Variants in DDX18 observed in about 807,000 individuals in gnomAD.
DDX18 encodes DEAD-box helicase 18, also known as ATP-dependent RNA helicase DDX18.
A neutral mutation model predicts 73.5 loss-of-function variants in DDX18; 23 were observed. That is an observed-to-expected ratio of 0.31 (90% CI 0.23 to 0.44). DDX18 has a LOEUF of 0.44. Ranked by LOEUF, DDX18 falls within the 20% of genes least tolerant of loss-of-function variation. The pLI is 1.00. For synonymous variants in DDX18, 268 were observed against 282.7 expected (o/e 0.95, Z 0.52); for missense variants, 753 against 792.9 (o/e 0.95, Z 0.60).
intron 6 of DDX18, 36 bp from the exon 7 acceptor site, chr2:117,822,111 C>T (rs1295407778): frequency 6.2e-7 from 1 of 1,613,654 alleles, no homozygotes. Context: ...CATAAACTGA[C>T]AACTAATGGT....
At position 117,821,299 on chromosome 2, in the gene DDX18, A is replaced by G. The variant is rs780100222; in HGVS notation, c.650+3A>G. ...ATCAGACCACTTCTGGAAGGCAGGT[A>G]TGATTAACATTGAAGCTTAGATATT... On this transcript the variant is annotated splice_donor_region_variant and intron_variant, in intron 4 of 13. Coordinates refer to ENST00000263239, the MANE Select transcript of DDX18 (RefSeq NM_006773.4). The G allele has an allele frequency of 3.1e-6, 5 of 1,598,704 alleles. No individual in the cohort carries two copies. Among genetic ancestry groups the G allele is most frequent in the African/African-American group, 1.4e-5 (1 of 73,920 alleles).
Position 117,825,496 on chromosome 2 carries a change from A to G in DDX18, c.1418A>G (p.Asn473Ser), listed in dbSNP as rs766097191. The G allele has an allele frequency of 1.4e-5, 22 of 1,614,064 alleles. No individual in the cohort carries two copies. Among genetic ancestry groups the G allele is most frequent in the African/African-American group, 9.3e-5 (7 of 74,918 alleles). ...KRTTTFFQFC[N>S]ADSGTLLCTD... The stretch of plus-strand genomic sequence containing the variant: ...ACAACCACATTCTTCCAGTTCTGCA[A>G]TGCAGATTCGGGAACACTATTGTGT... Residue 473 changes from asparagine to serine, a missense_variant, in exon 10 of 14, where the codon AAT (asparagine) becomes AGT (serine). Asn to Ser is a conservative substitution (Grantham distance 46, BLOSUM62 1). Coordinates refer to ENST00000263239, the MANE Select transcript of DDX18 (RefSeq NM_006773.4).
Position 117,831,301 on chromosome 2 carries a change from T to C in DDX18, c.*577T>C, listed in dbSNP as rs1414015338. 1 of 152,222 alleles carries C rather than the reference T, an allele frequency of 6.6e-6. No homozygotes were observed. The highest frequency in any genetic ancestry group is 2.4e-5 in the African/African-American group (1 of 41,446). 9.4% of individuals were successfully genotyped at this position (152,222 alleles called of 1,614,324 possible). On this transcript the variant is annotated 3_prime_UTR_variant, in exon 14 of 14. Coordinates refer to ENST00000263239, the MANE Select transcript of DDX18 (RefSeq NM_006773.4). ...TTAGGGTGGCATTGCTTTTATAGAT[T>C]CTTGATTTTAAAGCAACAGGCCTTT...
chr2:117,818,262 G>T (rs559760442), intron 2 of DDX18, among the ~76,000 whole-genome samples: 4 of 152,282 alleles, frequency 2.6e-5, no homozygotes, highest in African/African-American at 9.6e-5. Flanking sequence ...TATCAAGGTA[G>T]GATAAGATAG....
In DDX18 at chr2:117,821,233, A is replaced by C; in HGVS notation, c.587A>C (p.Glu196Ala). The C allele has an allele frequency of 6.2e-7, 1 of 1,612,258 alleles. No individual in the cohort carries two copies. ...GAAAACACTCTGAAGGCAATAAAAG[A>C]AATGGGTTTTACAAACATGACTGAA... ...VNENTLKAIK[E>A]MGFTNMTEIQ... The change falls in exon 4 of 14, where the codon GAA (glutamate) becomes GCA (alanine). Residue 196 changes from glutamate to alanine, a missense_variant. This residue lies in a region of DDX18 where 345 missense variants were observed against 352.0 expected (regional missense o/e 0.98). Coordinates refer to ENST00000263239, the MANE Select transcript of DDX18 (RefSeq NM_006773.4).
At position 117,817,592 on chromosome 2, in the gene DDX18, G is replaced by A. The variant is rs773695037; in HGVS notation, c.234G>A (p.Val78=). 1.2e-6 allele frequency: 2 copies of A among 1,613,896 alleles called. No homozygotes were observed. The highest frequency in any genetic ancestry group is 1.7e-6 in the Non-Finnish European group (2 of 1,179,926). The part of the protein sequence containing the change: ...TQNGGMSQEA[V]GNIKVTKSPQ... The stretch of plus-strand genomic sequence containing the variant: ...ATGGAGGCATGTCTCAAGAAGCAGT[G>A]GGAAATATAAAAGTTACAAAGTCTC... Residue 78 remains valine (V), a synonymous_variant, in exon 2 of 14, where the codon GTG becomes GTA. Coordinates refer to ENST00000263239, the MANE Select transcript of DDX18 (RefSeq NM_006773.4).
In DDX18 at chr2:117,831,498, C is replaced by G. The variant is rs1680023859; in HGVS notation, c.*774C>G. On this transcript the variant is annotated 3_prime_UTR_variant, in exon 14 of 14. Coordinates refer to ENST00000263239, the MANE Select transcript of DDX18 (RefSeq NM_006773.4). ...TGTACTGCATTTCTTCATTTGGTAA[C>G]ATAACAAAGACTTTCATACAAAGAA... The G allele has an allele frequency of 6.6e-6, 1 of 152,156 alleles. No individual in the cohort carries two copies. Among genetic ancestry groups the G allele is most frequent in the Non-Finnish European group, 1.5e-5 (1 of 68,032 alleles). 9.4% of individuals were successfully genotyped at this position (152,156 alleles called of 1,614,324 possible). A position where few individuals can be genotyped will look rare whatever the true frequency, so the allele number is the denominator to read the frequency against.
chr2:117,830,593 AATG>A lies in DDX18; in HGVS notation c.1884_1886del (p.Asn628_Glu629delinsLys), dbSNP rs889004965. The A allele has an allele frequency of 2.5e-6, 4 of 1,613,640 alleles. No individual in the cohort carries two copies. Among genetic ancestry groups the A allele is most frequent in the Non-Finnish European group, 1.7e-6 (2 of 1,179,790 alleles). On this transcript the variant is annotated inframe_deletion, in exon 14 of 14. Coordinates refer to ENST00000263239, the MANE Select transcript of DDX18 (RefSeq NM_006773.4). Reference sequence around the variant, plus strand: ...ATGTTTGCCTCCAGACGTCAACAGTAATGAAGGCAAGCAGAAAAAGCGAGGAGG... The same window carrying A: ...ATGTTTGCCTCCAGACGTCAACAGTAAAGGCAAGCAGAAAAAGCGAGGAGG...
chr2:117,825,934 A>T, intron 10 of DDX18: 1 of 386,246 alleles, frequency 2.6e-6, no homozygotes, highest in Non-Finnish European at 4.6e-6. Context: ...CTTCATTGAG[A>T]AGTATTTTCA....
At chr2:117,823,059 C>G (rs900295210) in intron 7 of DDX18, among the ~76,000 whole-genome samples, 2 of 152,192 alleles carry the variant, frequency 1.3e-5, no homozygotes, top group African/African-American at 4.8e-5. Context: ...ATTTAACATT[C>G]CTATGAGCAG....
chr2:117,822,449 G>A, intron 7 of DDX18, 188 bp downstream of exon 7: 1 of 526,094 alleles, frequency 1.9e-6, no homozygotes, highest in Non-Finnish European at 3.4e-6. Context: ...TAATAGTTTT[G>A]CTGTTTTAGA....
intron 1 of DDX18, chr2:117,815,800 C>G (rs1314438608): frequency 6.6e-6 from 1 of 152,180 alleles, no homozygotes; most frequent in African/African-American, 2.4e-5. Flanking sequence ...AGGACATTCT[C>G]AGGTACAGTC....
At chr2:117,827,590 T>C (rs1172410991) in intron 11 of DDX18, 1 of 150,240 alleles carries the variant, frequency 6.7e-6, no homozygotes, top group African/African-American at 2.4e-5. Flanking sequence ...ATGCGGTGTT[T>C]GGTTTTCTGT....
At position 117,822,258 on chromosome 2, in the gene DDX18, C is replaced by G; in HGVS notation, c.1063C>G (p.Pro355Ala). 1 of 1,610,132 alleles carries G rather than the reference C, an allele frequency of 6.2e-7. No individual in the cohort carries two copies. The highest frequency in any genetic ancestry group is 8.5e-7 in the Non-Finnish European group (1 of 1,178,034). The change falls in exon 7 of 14, where the codon CCA (proline) becomes GCA (alanine). Residue 355 changes from proline to alanine, a missense_variant. Pro to Ala is a conservative substitution (Grantham distance 27, BLOSUM62 -1). Transcript: ENST00000263239. ...ATTAAAGCAAATTATTAAACTTTTG[C>G]CAAGTAAGTAGGTAGCATCTGCATT... ...EELKQIIKLL[P>A]TRRQTMLFSA... is the part of the protein sequence containing the mutation.
In DDX18 at chr2:117,821,196, A is replaced by G; in HGVS notation, c.550A>G (p.Asn184Asp). 6.2e-7 allele frequency: 1 copy of G among 1,607,216 alleles called. No homozygotes were observed. Among genetic ancestry groups the G allele is most frequent in the Non-Finnish European group, 8.5e-7 (1 of 1,177,246 alleles). Reference protein sequence around the residue: ...FEDTSFASLCNLVNENTLKAI... With the variant: ...FEDTSFASLCDLVNENTLKAI... ...GGATACTTCGTTTGCTTCTCTATGTAATCTTGTCAATGAAAACACTCTGAA... is the reference window on the plus strand; with the variant it reads ...GGATACTTCGTTTGCTTCTCTATGTGATCTTGTCAATGAAAACACTCTGAA... Residue 184 changes from asparagine to aspartate, a missense_variant, in exon 4 of 14, where the codon AAT becomes GAT. This residue lies in a region of DDX18 where 345 missense variants were observed against 352.0 expected (regional missense o/e 0.98). Transcript: ENST00000263239.
Position 117,831,842 on chromosome 2 carries a change from A to G in DDX18, c.*1118A>G, listed in dbSNP as rs1384931701. 9 of 152,264 alleles carry G rather than the reference A, an allele frequency of 5.9e-5. No individual in the cohort carries two copies. Among genetic ancestry groups the G allele is most frequent in the African/African-American group, 2.2e-4 (9 of 41,478 alleles). 9.4% of individuals were successfully genotyped at this position (152,264 alleles called of 1,614,324 possible). The stretch of plus-strand genomic sequence containing the variant: ...ATTTCTAGTGTGTTTTGTACAGTAT[A>G]TAACTACAAGATAGTACATTTTGTA... On this transcript the variant is annotated 3_prime_UTR_variant, in exon 14 of 14. Coordinates refer to ENST00000263239, the MANE Select transcript of DDX18 (RefSeq NM_006773.4).
At position 117,824,930 on chromosome 2, in the gene DDX18, C is replaced by T. The variant is rs375317000; in HGVS notation, c.1207-10C>T. 262 of 1,596,092 alleles carry T rather than the reference C, an allele frequency of 1.6e-4. 2 individuals are homozygous for T. The African/African-American group carries it at 2.2e-3, about 13-fold the overall frequency. The stretch of plus-strand genomic sequence containing the variant: ...GTTCATTTGTATCTGTCTGCTTAAA[C>T]GCTTTCTAGGGATATGTTGTTTGTC... On this transcript the variant is annotated splice_polypyrimidine_tract_variant and intron_variant, in intron 8 of 13. Transcript: ENST00000263239.
intron 1 of DDX18, among the ~76,000 whole-genome samples, chr2:117,816,095 T>C (rs1679752787): frequency 6.6e-6 from 1 of 152,224 alleles, no homozygotes; most frequent in African/African-American, 2.4e-5. Flanking sequence ...ATGGTACCTC[T>C]GTATACAGTA....
At chr2:117,819,585 T>G in intron 2 of DDX18, 64 bp from the exon 3 acceptor site, 2 of 1,341,284 alleles carry the variant, frequency 1.5e-6, no homozygotes, top group Non-Finnish European at 2.0e-6. Context: ...TTCTGTTTGT[T>G]GATCTCATTT....
Sources: gnomAD v4.1 joint callset for allele counts (sites outside exome capture counted in the v4.1 genomes callset) on GRCh38, gnomAD v4.1.1 for gene constraint, gnomAD v4.1.1 regional missense constraint, MANE v1.5 for transcripts, NCBI Gene and HGNC (gene_info 2026-07-23, HGNC 2026-07-21) for gene names.